THBS4: variants seen among roughly 807,000 people sequenced by gnomAD.
The protein encoded by THBS4 is thrombospondin-4.
In THBS4, 90 loss-of-function variants were observed where a neutral mutation model predicts 115.7. The observed-to-expected ratio is 0.78, with a 90% CI of 0.66 to 0.93. THBS4 has a LOEUF of 0.93. THBS4 is among the 40% of genes least tolerant of loss of function. The pLI is 0.00. For synonymous variants in THBS4, 460 were observed against 479.3 expected (o/e 0.96, Z 0.53); for missense variants, 1,087 against 1,232.7 (o/e 0.88, Z 1.77).
intron 2 of THBS4, among the ~76,000 whole-genome samples, chr5:80,020,159 A>G (rs1458747314): frequency 6.6e-6 from 1 of 152,208 alleles, no homozygotes; most frequent in Non-Finnish European, 1.5e-5. Flanking sequence ...CCCCTCTTCC[A>G]AGGCTGAAAA....
At chr5:80,078,017 T>C in intron 16 of THBS4, 32 bp from the exon 17 acceptor site, 1 of 1,531,050 alleles carries the variant, frequency 6.5e-7, no homozygotes, top group Non-Finnish European at 8.9e-7. Flanking sequence ...GTGAGCGCTA[T>C]TGAGCTCCTG....
At position 79,993,134 on chromosome 5, in the gene THBS4, G is replaced by A. The variant is rs531771189; in HGVS notation, n.81+1722G>A. Among the ~76,000 whole-genome samples the A allele has an allele frequency of 1.2e-4, 18 of 152,280 alleles. No homozygotes were observed. In the South Asian group the frequency reaches 1.7e-3, roughly 14 times the overall value. On this transcript the variant is annotated intron_variant and non_coding_transcript_variant, in intron 1 of 3. Transcript: ENST00000510218. The stretch of plus-strand genomic sequence containing the variant: ...CAGTTACTCAGTTTGGCCTTCTTCC[G>A]TACTGCTGCTACTACATACAGTGAT...
intron 8 of THBS4, among the ~76,000 whole-genome samples, chr5:80,064,568 T>C (rs145036281): frequency 1.1e-3 from 167 of 152,186 alleles, no homozygotes; most frequent in African/African-American, 4.0e-3. Flanking sequence ...CTACAAAAAA[T>C]ACACACAAAA....
intron 3 of THBS4, 100 bp downstream of exon 3, chr5:80,056,132 G>A: frequency 7.3e-7 from 1 of 1,375,966 alleles, no homozygotes; most frequent in South Asian, 1.6e-5. Context: ...CAGGTCAGTG[G>A]GTCTAATGCC....
intron 20 of THBS4, among the ~76,000 whole-genome samples, chr5:80,080,579 CTTTTTTTTTT>C (rs67048630): frequency 2.4e-4 from 12 of 50,498 alleles, no homozygotes; most frequent in East Asian, 1.9e-3. Context: ...GCGCTTGTAT[CTTTTTTTTTT>C]TTTTTTTTTT....
At chr5:80,065,941 C>T in intron 9 of THBS4, among the ~76,000 whole-genome samples, 1 of 151,898 alleles carries the variant, frequency 6.6e-6, no homozygotes, top group South Asian at 2.1e-4. Context: ...AAATAGAAAA[C>T]AAAATTAGCC....
chr5:80,031,136 G>A (rs1424419610), upstream of THBS4, among the ~76,000 whole-genome samples: 2 of 152,128 alleles, frequency 1.3e-5, no homozygotes, highest in African/African-American at 4.8e-5. Flanking sequence ...CGTTTTTTTG[G>A]GGGAGAGTAA....
chr5:80,065,334 A>G, intron 8 of THBS4, 75 bp from the exon 9 acceptor site: 1 of 1,381,528 alleles, frequency 7.2e-7, no homozygotes, highest in Non-Finnish European at 1.0e-6. Flanking sequence ...AAGATAGCAA[A>G]ACAAAGGAGA....
intron 2 of THBS4, among the ~76,000 whole-genome samples, chr5:80,006,892 TA>T (rs1201781832): frequency 6.6e-6 from 1 of 152,174 alleles, no homozygotes; most frequent in Non-Finnish European, 1.5e-5. Flanking sequence ...TTTATACAAA[TA>T]AAAAGGAATT....
chr5:80,044,001 C>T (rs1313623320), intron 2 of THBS4, among the ~76,000 whole-genome samples: 1 of 152,228 alleles, frequency 6.6e-6, no homozygotes, highest in East Asian at 1.9e-4. Context: ...GCCGCACATG[C>T]TGCCTCTCCT....
rs1833903780 is a variant in THBS4 at position 80,068,140 on chromosome 5, G to A, written c.1347+15G>A. ...TGACATGTGTGGTAAGTTGTTTTTTGACTTCCTCTATCATTTTTCCTCTTC... is the reference window on the plus strand; with the variant it reads ...TGACATGTGTGGTAAGTTGTTTTTTAACTTCCTCTATCATTTTTCCTCTTC... On this transcript the variant is annotated intron_variant, in intron 10 of 21. Transcript: ENST00000350881. 6.2e-7 allele frequency: 1 copy of A among 1,612,792 alleles called. No homozygotes were observed. Among genetic ancestry groups the A allele is most frequent in the Non-Finnish European group, 8.5e-7 (1 of 1,179,382 alleles).
At chr5:80,055,589 G>A (rs1833395937) in intron 2 of THBS4, among the ~76,000 whole-genome samples, 196 bp from the exon 3 acceptor site, 1 of 105,080 alleles carries the variant, frequency 9.5e-6, no homozygotes, top group African/African-American at 4.1e-5. Flanking sequence ...GGTTCCCAGT[G>A]CCTGAAAACA....
intron 2 of THBS4, among the ~76,000 whole-genome samples, chr5:80,012,535 A>G (rs1832147928): frequency 6.6e-6 from 1 of 152,190 alleles, no homozygotes; most frequent in Non-Finnish European, 1.5e-5. Context: ...GAGCTCCTAG[A>G]GGTGTCCTTG....
At position 80,042,732 on chromosome 5, in the gene THBS4, G is replaced by A. The variant is rs551264394; in HGVS notation, c.292+2452G>A. On this transcript the variant is annotated intron_variant, in intron 2 of 21. Transcript: ENST00000350881. ...TGTAATCCCAGCACTTTGGGAGGCT[G>A]AGGCAGGCAGATCACCTGAGGTCAG... Among the ~76,000 whole-genome samples, 16 of 152,316 alleles carry A rather than the reference G, an allele frequency of 1.1e-4. 1 individual carries two copies. The South Asian group carries it at 3.1e-3, about 30-fold the overall frequency.
exon 2 of THBS4, chr5:79,998,345 G>GA (rs1361215527): frequency 6.5e-6 from 1 of 152,822 alleles, no homozygotes; most frequent in Non-Finnish European, 1.5e-5. Flanking sequence ...TGTGGGACGT[G>GA]CCTGCTTTGC....
chr5:80,031,325 C>T (rs975463240), upstream of THBS4, among the ~76,000 whole-genome samples: 2 of 152,146 alleles, frequency 1.3e-5, no homozygotes, highest in African/African-American at 4.8e-5. Context: ...TATCAGTTTG[C>T]TCAGATGTGG....
intron 9 of THBS4, chr5:80,067,007 C>T (rs910482268): frequency 6.6e-6 from 1 of 152,150 alleles, no homozygotes; most frequent in African/African-American, 2.4e-5. Context: ...AATCATTAAA[C>T]AATATATATA....
intron 3 of THBS4, among the ~76,000 whole-genome samples, chr5:80,056,978 C>G (rs1057429914): frequency 1.3e-5 from 2 of 152,098 alleles, no homozygotes; most frequent in Non-Finnish European, 2.9e-5. Context: ...GAATCTGATC[C>G]TAGAAGTTTT....
At chr5:80,056,437 A>C (rs1031640314) in intron 3 of THBS4, among the ~76,000 whole-genome samples, 3 of 152,212 alleles carry the variant, frequency 2.0e-5, no homozygotes, top group African/African-American at 7.2e-5. Context: ...TGAAAATAAA[A>C]AAGAATGATT....
Sources: gnomAD v4.1 joint callset for allele counts (sites outside exome capture counted in the v4.1 genomes callset) on GRCh38, gnomAD v4.1.1 for gene constraint, MANE v1.5 for transcripts, NCBI Gene and HGNC (gene_info 2026-07-23, HGNC 2026-07-21) for gene names.